Variants in PCSK6 observed in about 807,000 individuals in gnomAD.
The protein encoded by PCSK6 is paired basic amino acid cleaving enzyme 4.
Under a neutral mutation model 123.3 loss-of-function variants are expected in PCSK6, and 85 were observed. That is an observed-to-expected ratio of 0.69 (90% CI 0.58 to 0.83). The LOEUF is 0.83. PCSK6 is among the 40% of genes least tolerant of loss of function. The probability of loss-of-function intolerance (pLI) is 0.00; values close to 1 mark genes in which losing one functional copy is unlikely to be tolerated. For missense variants in PCSK6, 1,191 were observed against 1,282.3 expected (o/e 0.93, Z 1.09); for synonymous variants, 508 against 516.0 (o/e 0.98, Z 0.21).
chr15:101,330,839 A>G, intron 15 of PCSK6, among the ~76,000 whole-genome samples: 1 of 152,232 alleles, frequency 6.6e-6, no homozygotes, highest in East Asian at 1.9e-4. Flanking sequence ...ACATAATTCA[A>G]TGCTCTATTT....
At chr15:101,347,446 A>C (rs1466695343) in intron 13 of PCSK6, 1 of 1,246,258 alleles carries the variant, frequency 8.0e-7, no homozygotes, top group African/African-American at 1.5e-5. Flanking sequence ...GTCACACAGA[A>C]GAGACTAATC....
intron 9 of PCSK6, 78 bp from the exon 10 acceptor site, chr15:101,384,503 C>A: frequency 2.5e-6 from 3 of 1,199,504 alleles, no homozygotes; most frequent in South Asian, 2.9e-5. Context: ...GGCAGGGGGT[C>A]GGCAGCCAAC....
At chr15:101,440,399 C>T (rs2056725265) in intron 2 of PCSK6, among the ~76,000 whole-genome samples, 1 of 152,252 alleles carries the variant, frequency 6.6e-6, no homozygotes, top group African/African-American at 2.4e-5. Flanking sequence ...CGTGCACACA[C>T]GTGCTTAACA....
At chr15:101,401,952 A>T (rs1449750159) in intron 6 of PCSK6, among the ~76,000 whole-genome samples, 2 of 151,986 alleles carry the variant, frequency 1.3e-5, no homozygotes, top group African/African-American at 4.8e-5. Flanking sequence ...AAAAGAGCCC[A>T]CATTGCCAAG....
intron 1 of PCSK6, among the ~76,000 whole-genome samples, chr15:101,478,508 C>T (rs1274686124): frequency 6.6e-6 from 1 of 152,242 alleles, no homozygotes; most frequent in Non-Finnish European, 1.5e-5. Context: ...CTCCTTCCCA[C>T]TTTCCCTCCC....
At chr15:101,376,706 C>A (rs2041754279) in intron 11 of PCSK6, among the ~76,000 whole-genome samples, 1 of 152,128 alleles carries the variant, frequency 6.6e-6, no homozygotes, top group South Asian at 2.1e-4. Flanking sequence ...AAAACTAAGC[C>A]AGGAAGGGAA....
At chr15:101,350,515 T>A (rs561895879) in intron 13 of PCSK6, among the ~76,000 whole-genome samples, 2 of 152,328 alleles carry the variant, frequency 1.3e-5, no homozygotes, top group South Asian at 4.1e-4. Context: ...ATATGGAGAA[T>A]TCAGATGATC....
chr15:101,437,367 T>G (rs1388222754), intron 2 of PCSK6, among the ~76,000 whole-genome samples: 3 of 152,160 alleles, frequency 2.0e-5, no homozygotes, highest in Non-Finnish European at 4.4e-5. Flanking sequence ...AACCCCAGGC[T>G]GCCATGGCAA....
chr15:101,384,111 G>C, intron 10 of PCSK6: 1 of 985,124 alleles, frequency 1.0e-6, no homozygotes, highest in Non-Finnish European at 1.2e-6. Flanking sequence ...GGAGACCCCA[G>C]ACTCTTGTGA....
At chr15:101,368,694 C>T (rs969711708) in intron 12 of PCSK6, among the ~76,000 whole-genome samples, 1 of 152,132 alleles carries the variant, frequency 6.6e-6, no homozygotes, top group African/African-American at 2.4e-5. Flanking sequence ...CTGGAGTGAA[C>T]GGAGAGCCCG....
intron 20 of PCSK6, chr15:101,309,088 C>T (rs2039792905): frequency 1.3e-5 from 2 of 152,550 alleles, no homozygotes; most frequent in Admixed American, 1.3e-4. Context: ...TTGCTCTAAC[C>T]AGGTTGCCAC....
intron 13 of PCSK6, among the ~76,000 whole-genome samples, chr15:101,361,260 A>C (rs143046452): frequency 4.7e-4 from 69 of 147,128 alleles, no homozygotes; most frequent in Middle Eastern, 7.4e-3. Flanking sequence ...AATCTTGATT[A>C]TCTCTCTATT....
chr15:101,413,932 T>C (rs1477751960), intron 6 of PCSK6, among the ~76,000 whole-genome samples: 4 of 152,186 alleles, frequency 2.6e-5, no homozygotes, highest in Non-Finnish European at 5.9e-5. Context: ...AAATATATGT[T>C]ATCTACAGGA....
At chr15:101,381,319 A>G (rs1211722804) in intron 11 of PCSK6, among the ~76,000 whole-genome samples, 1 of 152,148 alleles carries the variant, frequency 6.6e-6, no homozygotes, top group African/African-American at 2.4e-5. Context: ...AGCCGGGATC[A>G]TGCCACTGCA....
At chr15:101,393,177 C>T in intron 8 of PCSK6, 35 bp downstream of exon 8, 1 of 1,498,470 alleles carries the variant, frequency 6.7e-7, no homozygotes, top group Non-Finnish European at 9.2e-7. Context: ...CTGAGGCACT[C>T]ACTGTAAGCA....
chr15:101,473,212 G>T (rs1219203469), intron 1 of PCSK6, among the ~76,000 whole-genome samples: 1 of 151,998 alleles, frequency 6.6e-6, no homozygotes, highest in Non-Finnish European at 1.5e-5. Flanking sequence ...GAGTAGCTGG[G>T]ACTATAGGCA....
At chr15:101,426,123 C>T (rs1304816137) in intron 6 of PCSK6, among the ~76,000 whole-genome samples, 1 of 152,190 alleles carries the variant, frequency 6.6e-6, no homozygotes, top group African/African-American at 2.4e-5. Context: ...CCACCCCTCA[C>T]TCAAAGCAAC....
chr15:101,454,194 G>A (rs1182544380), intron 1 of PCSK6, among the ~76,000 whole-genome samples: 1 of 152,234 alleles, frequency 6.6e-6, no homozygotes, highest in African/African-American at 2.4e-5. Flanking sequence ...ACCATCACTT[G>A]AGAGCAAGTT....
rs371198530 is a variant in PCSK6 at position 101,488,078 on chromosome 15, A to C, written c.297+1296T>G. Among the ~76,000 whole-genome samples the C allele has an allele frequency of 7.9e-5, 12 of 152,296 alleles. No homozygotes were observed. The South Asian group carries it at 1.7e-3, about 21-fold the overall frequency. On this transcript the variant is annotated intron_variant, in intron 1 of 21. Coordinates refer to ENST00000611716, the MANE Select transcript of PCSK6 (RefSeq NM_002570.5). The stretch of plus-strand genomic sequence containing the variant: ...AATCCACCCCTCCAGCCACACACCT[A>C]ATAGTACATCAACGTGGGGCTTGGG...
Sources: allele counts gnomAD v4.1 joint callset (sites outside exome capture counted in the v4.1 genomes callset), GRCh38; gene constraint gnomAD v4.1.1; transcripts MANE v1.5; gene names NCBI Gene and HGNC (gene_info 2026-07-23, HGNC 2026-07-21).